SPATA6L: variants seen among roughly 807,000 people sequenced by gnomAD.
SPATA6L encodes the protein spermatogenesis associated 6-like protein.
Under a neutral mutation model 49.2 loss-of-function variants are expected in SPATA6L, and 68 were observed. The ratio of observed to expected loss-of-function variants is 1.38; its 90% confidence interval spans 1.14 to 1.69. SPATA6L has a LOEUF of 1.69. Ranked by LOEUF, SPATA6L falls within the 40% of genes most tolerant of loss-of-function variation. The pLI, the probability that SPATA6L is intolerant of heterozygous loss-of-function variation, is 0.00. For synonymous variants in SPATA6L, 198 were observed against 165.7 expected (o/e 1.19, Z -1.50); for missense variants, 668 against 464.3 (o/e 1.44, Z -4.03).
intron 3 of SPATA6L, among the ~76,000 whole-genome samples, chr9:4,648,572 A>C (rs390880): frequency 0.62 from 92,867 of 150,536 alleles, 30,179 homozygotes; most frequent in African/African-American, 0.84. Context: ...TGGTGGCGGG[A>C]GCCTGTGGTC....
At position 4,604,167 on chromosome 9, in the gene SPATA6L, A is replaced by T; in HGVS notation, c.*1+12T>A. On this transcript the variant is annotated intron_variant, in intron 11 of 11. Coordinates refer to ENST00000682582, the MANE Select transcript of SPATA6L (RefSeq NM_001353486.2). ...AGAAGCACTTAAGCTGCTTACTTAC[A>T]TAAGACAGTACCTTAAAAATATCTC... 1 of 1,587,106 alleles carries T rather than the reference A, an allele frequency of 6.3e-7. No individual in the cohort carries two copies.
intron 9 of SPATA6L, among the ~76,000 whole-genome samples, chr9:4,616,378 A>G (rs891350131): frequency 2.0e-5 from 3 of 152,214 alleles, no homozygotes; most frequent in Admixed American, 1.3e-4. Context: ...ATGTCTCCTG[A>G]CCACTGTTAA....
Position 4,663,033 on chromosome 9 carries a change from C to G in SPATA6L, c.40-997G>C, listed in dbSNP as rs1269917133. The G allele has an allele frequency of 6.2e-7, 1 of 1,613,896 alleles. No homozygotes were observed. Among genetic ancestry groups the G allele is most frequent in the African/African-American group, 1.3e-5 (1 of 75,026 alleles). On this transcript the variant is annotated intron_variant, in intron 1 of 11. Coordinates refer to ENST00000682582, the MANE Select transcript of SPATA6L (RefSeq NM_001353486.2). Reference sequence around the variant, plus strand: ...CTCGGGCCATGCCACAAGGGCCGCCCTGATGTCGAGGTTCATCCTGAACCA... The same window carrying G: ...CTCGGGCCATGCCACAAGGGCCGCCGTGATGTCGAGGTTCATCCTGAACCA...
intron 11 of SPATA6L, among the ~76,000 whole-genome samples, chr9:4,603,108 T>C (rs1236613357): frequency 6.6e-6 from 1 of 152,216 alleles, no homozygotes; most frequent in Non-Finnish European, 1.5e-5. Context: ...GCATTCATAA[T>C]CAATGCATAT....
intron 9 of SPATA6L, among the ~76,000 whole-genome samples, chr9:4,607,924 G>C (rs2130188673): frequency 6.6e-6 from 1 of 151,704 alleles, no homozygotes; most frequent in East Asian, 1.9e-4. Context: ...GACACACATA[G>C]GCTCAAAATA....
intron 2 of SPATA6L, among the ~76,000 whole-genome samples, chr9:4,658,507 T>A (rs892501279): frequency 3.9e-5 from 6 of 152,102 alleles, no homozygotes; most frequent in Non-Finnish European, 8.8e-5. Flanking sequence ...CTGAATTTTA[T>A]AAAATGAAAA....
chr9:4,606,171 G>A (rs1057330222), intron 9 of SPATA6L, among the ~76,000 whole-genome samples: 2 of 151,540 alleles, frequency 1.3e-5, no homozygotes, highest in African/African-American at 2.4e-5. Flanking sequence ...CTCGCTGATT[G>A]CTAGCACAGC....
chr9:4,659,019 G>A (rs946826281), intron 2 of SPATA6L, among the ~76,000 whole-genome samples: 1 of 151,074 alleles, frequency 6.6e-6, no homozygotes, highest in South Asian at 2.1e-4. Context: ...GAAAATTATT[G>A]GGATGGGGGA....
In SPATA6L at chr9:4,662,504, G is replaced by A. The variant is rs769958094; in HGVS notation, c.40-468C>T. On this transcript the variant is annotated intron_variant, in intron 1 of 11. Coordinates refer to ENST00000682582, the MANE Select transcript of SPATA6L (RefSeq NM_001353486.2). The surrounding 1 kb of genome is among the most constrained non-coding windows in gnomAD (Gnocchi z 4.9). ...GCAGCAGGTTTGAGTTCCAGTCCCT[G>A]CTCAGCAGCCGCGCCACGGCCGTGG... 6 of 1,559,950 alleles carry A rather than the reference G, an allele frequency of 3.8e-6. No individual in the cohort carries two copies. The highest frequency in any genetic ancestry group is 5.2e-6 in the Non-Finnish European group (6 of 1,162,418).
chr9:4,604,269 C>T lies in SPATA6L; in HGVS notation c.1090G>A (p.Glu364Lys). The change falls in exon 11 of 12, where the codon GAA becomes AAA. Residue 364 changes from glutamate to lysine, a missense_variant and splice_region_variant. Coordinates refer to ENST00000682582, the MANE Select transcript of SPATA6L (RefSeq NM_001353486.2). ...SHRAQLHQNK[E>K]DSTSEVNYII... ...TAATTTACTTCAGAGGTAGAATCTT[C>T]CTACAATAAAAACAAATCCAGCAAT... 6.3e-7 allele frequency: 1 copy of T among 1,596,184 alleles called. No homozygotes were observed. The highest frequency in any genetic ancestry group is 8.6e-7 in the Non-Finnish European group (1 of 1,164,994).
rs1467386243 is a variant in SPATA6L, at chr9:4,599,348, T to C, written c.*1463A>G. ...AGAAGAGGATAAATGAATTTTGTTT[T>C]GTTGTTTTTGTTTTTGGAGTTCCTT... is the stretch of plus-strand genomic sequence containing the variant. On this transcript the variant is annotated 3_prime_UTR_variant, in exon 12 of 12. Transcript: ENST00000682582. Among the ~76,000 whole-genome samples the C allele has an allele frequency of 6.6e-6, 1 of 152,234 alleles. No individual in the cohort carries two copies. Among genetic ancestry groups the C allele is most frequent in the African/African-American group, 2.4e-5 (1 of 41,470 alleles).
rs576583045 is a variant in SPATA6L, at chr9:4,598,532, G to A, written c.*2279C>T. 1.3e-5 allele frequency among the ~76,000 whole-genome samples: 2 copies of A among 152,074 alleles called. No individual in the cohort carries two copies. The highest frequency in any genetic ancestry group is 1.9e-4 in the East Asian group (1 of 5,180). The stretch of plus-strand genomic sequence containing the variant: ...TAGAGTTAATAGATGCAAAAGTAAA[G>A]GGAAAAAAAGCGTAATTTAGTGTGA... On this transcript the variant is annotated 3_prime_UTR_variant, in exon 12 of 12. Coordinates refer to ENST00000682582, the MANE Select transcript of SPATA6L (RefSeq NM_001353486.2).
chr9:4,658,543 G>C (rs532859118), intron 2 of SPATA6L, among the ~76,000 whole-genome samples: 2 of 152,246 alleles, frequency 1.3e-5, no homozygotes, highest in East Asian at 3.9e-4. Flanking sequence ...TGTTTGACTA[G>C]TAATCTCAAA....
chr9:4,602,438 G>C (rs1005662548), intron 11 of SPATA6L, among the ~76,000 whole-genome samples: 3 of 152,166 alleles, frequency 2.0e-5, no homozygotes, highest in African/African-American at 7.2e-5. Context: ...ACATTCCTCT[G>C]TGCTAAAGGT....
Position 4,662,664 on chromosome 9 carries a change from T to G in SPATA6L, c.40-628A>C. ...GGAGGACCGCATGGACTTGAACCCG[T>G]CCTTCCTGGGCATCGCCCTGCGCTC... is the stretch of plus-strand genomic sequence containing the variant. On this transcript the variant is annotated intron_variant, in intron 1 of 11. Coordinates refer to ENST00000682582, the MANE Select transcript of SPATA6L (RefSeq NM_001353486.2). The surrounding 1 kb of genome is among the most constrained non-coding windows in gnomAD (Gnocchi z 4.9). 1.9e-6 allele frequency: 3 copies of G among 1,600,084 alleles called. No individual in the cohort carries two copies. The highest frequency in any genetic ancestry group is 2.5e-6 in the Non-Finnish European group (3 of 1,179,838).
At chr9:4,642,445 C>T (rs1049686418) in intron 3 of SPATA6L, among the ~76,000 whole-genome samples, 7 of 152,082 alleles carry the variant, frequency 4.6e-5, no homozygotes, top group African/African-American at 1.7e-4. Flanking sequence ...AAGGTAATGA[C>T]ATCTCCAAAA....
At chr9:4,625,922 A>C (rs1488308475) in intron 5 of SPATA6L, 1 of 165,946 alleles carries the variant, frequency 6.0e-6, no homozygotes, top group Non-Finnish European at 1.3e-5. Context: ...ATAAGGAAAT[A>C]ACTATGGCTA....
chr9:4,645,049 T>G (rs1010125063), intron 3 of SPATA6L, among the ~76,000 whole-genome samples: 1 of 152,170 alleles, frequency 6.6e-6, no homozygotes, highest in African/African-American at 2.4e-5. Flanking sequence ...ATGGCTATGT[T>G]CAAAAAAGAC....
chr9:4,633,299 A>T (rs1478591234), intron 4 of SPATA6L: 1 of 154,764 alleles, frequency 6.5e-6, no homozygotes, highest in Non-Finnish European at 1.5e-5. Context: ...GAAGAATTGG[A>T]GAAAGAAAGT....
Sources: gnomAD v4.1 joint callset for allele counts (sites outside exome capture counted in the v4.1 genomes callset) on GRCh38, gnomAD v4.1.1 for gene constraint, Gnocchi (gnomAD v3.1) non-coding constraint, MANE v1.5 for transcripts, NCBI Gene and HGNC (gene_info 2026-07-23, HGNC 2026-07-21) for gene names.